Variants in LRP2 observed in about 807,000 individuals in gnomAD.
LRP2 encodes the protein LDL receptor related protein 2.
A neutral mutation model predicts 531.0 loss-of-function variants in LRP2; 172 were observed. That is an observed-to-expected ratio of 0.32 (90% CI 0.29 to 0.37). The LOEUF (loss-of-function observed/expected upper bound fraction) is 0.37. Among genes scored for constraint, LRP2 ranks in the 10% least tolerant of loss-of-function variants. The probability of loss-of-function intolerance (pLI) is 1.00; values close to 1 mark genes in which losing one functional copy is unlikely to be tolerated. For synonymous variants in LRP2, 1,992 were observed against 2,027.6 expected (o/e 0.98, Z 0.47); for missense variants, 5,167 against 5,868.3 (o/e 0.88, Z 3.90).
chr2:169,308,568 C>A (rs1175221240), intron 3 of LRP2, among the ~76,000 whole-genome samples: 1 of 152,182 alleles, frequency 6.6e-6, no homozygotes, highest in African/African-American at 2.4e-5. Flanking sequence ...TTTTTTACGG[C>A]TGCATAGTAT....
rs578211379 is a variant in LRP2, at chr2:169,153,908, G to A, written c.12295+552C>T. On this transcript the variant is annotated intron_variant, in intron 66 of 78. Coordinates refer to ENST00000649046, the MANE Select transcript of LRP2 (RefSeq NM_004525.3). The stretch of plus-strand genomic sequence containing the variant: ...ACCACATAGAGTGTACTAGATGTTG[G>A]GTCAGCTGCTAGGCATTTAGAGATA... 3.9e-5 allele frequency among the ~76,000 whole-genome samples: 6 copies of A among 152,176 alleles called. No homozygotes were observed. The South Asian group carries it at 1.2e-3, about 32-fold the overall frequency.
Position 169,290,960 on chromosome 2 carries a change from T to C in LRP2, c.807A>G (p.Arg269=), listed in dbSNP as rs752069001. Reference sequence around the variant, plus strand: ...GTCCCGACTCTGGGCAAGACCATTCTCTTGGGGAACATTTATGAACATCAT... The same window carrying C: ...GTCCCGACTCTGGGCAAGACCATTCCCTTGGGGAACATTTATGAACATCAT... ...GPHDVHKCSP[R]EWSCPESGRC... Residue 269 remains arginine (R), a synonymous_variant, in exon 8 of 79, where the codon AGA becomes AGG. Coordinates refer to ENST00000649046, the MANE Select transcript of LRP2 (RefSeq NM_004525.3). The C allele has an allele frequency of 3.1e-6, 5 of 1,614,146 alleles. No individual in the cohort carries two copies. The highest frequency in any genetic ancestry group is 4.2e-6 in the Non-Finnish European group (5 of 1,180,010).
intron 34 of LRP2, among the ~76,000 whole-genome samples, chr2:169,219,986 A>C (rs1168958453): frequency 6.6e-6 from 1 of 152,008 alleles, no homozygotes; most frequent in African/African-American, 2.4e-5. Flanking sequence ...GGCTCTCCCC[A>C]CAATCCTGCT....
intron 38 of LRP2, among the ~76,000 whole-genome samples, chr2:169,207,590 C>T (rs1295259104): frequency 6.6e-6 from 1 of 152,186 alleles, no homozygotes; most frequent in African/African-American, 2.4e-5. Context: ...TTAATACCTA[C>T]TTGAAACACT....
intron 26 of LRP2, among the ~76,000 whole-genome samples, 198 bp downstream of exon 26, chr2:169,239,329 C>T (rs187348543): frequency 4.6e-5 from 7 of 152,192 alleles, no homozygotes; most frequent in Admixed American, 2.0e-4. Flanking sequence ...CCTCTATTTT[C>T]CAAAATACAC....
At chr2:169,355,068 C>T (rs143747928) in intron 1 of LRP2, among the ~76,000 whole-genome samples, 1 of 152,294 alleles carries the variant, frequency 6.6e-6, no homozygotes, top group African/African-American at 2.4e-5. Flanking sequence ...GTAGTCTGAT[C>T]GCTCAGCTCA....
chr2:169,147,094 T>C, intron 68 of LRP2, 135 bp from the exon 69 acceptor site: 2 of 724,430 alleles, frequency 2.8e-6, no homozygotes, highest in South Asian at 1.6e-5. Flanking sequence ...ACCAGTTTTA[T>C]ATTTTACAGA....
rs761330913 is a variant in LRP2 at position 169,212,144 on chromosome 2, G to C, written c.6104C>G (p.Pro2035Arg). The C allele has an allele frequency of 6.2e-7, 1 of 1,613,906 alleles. No individual in the cohort carries two copies. The highest frequency in any genetic ancestry group is 1.3e-5 in the African/African-American group (1 of 74,896). ...NMNACQQICL[P>R]VPGGLFSCAC... is the part of the protein sequence containing the mutation. ...GCAGGAAAACAATCCTCCTGGTACA[G>C]GCAGGCAAATCTGCTGACAGGCATT... Residue 2035 changes from proline to arginine, a missense_variant, in exon 37 of 79, where the codon CCT becomes CGT. This residue lies in a region of LRP2 where 2,811 missense variants were observed against 3,058.0 expected (regional missense o/e 0.92). Coordinates refer to ENST00000649046, the MANE Select transcript of LRP2 (RefSeq NM_004525.3).
At chr2:169,270,813 A>G (rs1195398144) in intron 16 of LRP2, 91 bp downstream of exon 16, 5 of 645,056 alleles carry the variant, frequency 7.8e-6, no homozygotes, top group East Asian at 3.2e-5. Context: ...AAAATTAGAT[A>G]CTGAGTTTTA....
chr2:169,357,489 G>C (rs954841857), intron 1 of LRP2, among the ~76,000 whole-genome samples: 2 of 151,678 alleles, frequency 1.3e-5, no homozygotes, highest in Non-Finnish European at 2.9e-5. Flanking sequence ...GCGTCACCAC[G>C]CCCAGCTAAT....
At chr2:169,237,995 C>T in intron 27 of LRP2, 96 bp downstream of exon 27, 1 of 1,001,496 alleles carries the variant, frequency 1.0e-6, no homozygotes, top group Non-Finnish European at 1.6e-6. Context: ...GAGAGCTACC[C>T]AGATGAGGTA....
chr2:169,279,019 A>G (rs1215482276), intron 12 of LRP2, among the ~76,000 whole-genome samples: 3 of 152,230 alleles, frequency 2.0e-5, no homozygotes, highest in Admixed American at 2.0e-4. Flanking sequence ...ATAATGAAGC[A>G]TAAGTGATGT....
In LRP2 at chr2:169,350,262, G is replaced by A. The variant is rs13412741; in HGVS notation, c.79+12059C>T. Reference sequence around the variant, plus strand: ...AAGTTTGGACATTAGTGGAGATCAGGAGTTCAATTTCAGACATGTGAAGTC... The same window carrying A: ...AAGTTTGGACATTAGTGGAGATCAGAAGTTCAATTTCAGACATGTGAAGTC... On this transcript the variant is annotated intron_variant, in intron 1 of 78. Transcript: ENST00000649046. Among the ~76,000 whole-genome samples the A allele has an allele frequency of 9.0e-3, 1,377 of 152,308 alleles. 16 individuals carry two copies. The highest frequency in any genetic ancestry group is 0.032 in the African/African-American group (1,311 of 41,558).
At chr2:169,207,283 T>C in intron 38 of LRP2, 33 bp from the exon 39 acceptor site, 1 of 1,486,862 alleles carries the variant, frequency 6.7e-7, no homozygotes, top group South Asian at 1.1e-5. Flanking sequence ...TGCTGATCAA[T>C]GGAGAACCAA....
intron 49 of LRP2, among the ~76,000 whole-genome samples, chr2:169,186,608 T>C (rs371243285): frequency 1.3e-5 from 2 of 152,198 alleles, no homozygotes; most frequent in East Asian, 1.9e-4. Flanking sequence ...CATTGCAAAA[T>C]CCATTATCCA....
chr2:169,208,892 A>G (rs1688497352), intron 38 of LRP2, among the ~76,000 whole-genome samples: 1 of 152,200 alleles, frequency 6.6e-6, no homozygotes, highest in African/African-American at 2.4e-5. Flanking sequence ...GATGAGTGAT[A>G]AAAATGAGGG....
At chr2:169,244,561 G>A in intron 22 of LRP2, 132 bp downstream of exon 22, 2 of 1,217,344 alleles carry the variant, frequency 1.6e-6, no homozygotes, top group Non-Finnish European at 2.4e-6. Context: ...CACAGAGATT[G>A]ACAAGTGGAA....
chr2:169,311,303 T>A (rs1360765241), intron 3 of LRP2, among the ~76,000 whole-genome samples: 1 of 152,238 alleles, frequency 6.6e-6, no homozygotes, highest in East Asian at 1.9e-4. Context: ...AGGGTGTCAA[T>A]TTTAGATCTT....
At chr2:169,303,987 G>A (rs938574652) in intron 4 of LRP2, among the ~76,000 whole-genome samples, 1 of 151,992 alleles carries the variant, frequency 6.6e-6, no homozygotes, top group Non-Finnish European at 1.5e-5. Context: ...CCTCTGCTTC[G>A]TTCCCTTTTA....
Sources: gnomAD v4.1 joint callset for allele counts (sites outside exome capture counted in the v4.1 genomes callset) on GRCh38, gnomAD v4.1.1 for gene constraint, gnomAD v4.1.1 regional missense constraint, MANE v1.5 for transcripts, NCBI Gene and HGNC (gene_info 2026-07-23, HGNC 2026-07-21) for gene names.